ADGRD1: variants seen among roughly 807,000 people sequenced by gnomAD.
ADGRD1 encodes the protein adhesion G protein-coupled receptor D1.
In ADGRD1, 77 loss-of-function variants were observed where a neutral mutation model predicts 113.4. The ratio of observed to expected loss-of-function variants is 0.68; its 90% CI spans 0.57 to 0.82. ADGRD1 has a LOEUF of 0.82. ADGRD1 is among the 40% of genes least tolerant of loss of function. The pLI, the probability that ADGRD1 is intolerant of heterozygous loss-of-function variation, is 0.00. For missense variants in ADGRD1, 1,036 were observed against 1,139.1 expected, an observed-to-expected ratio of 0.91 and a Z score of 1.30; for synonymous variants, 474 against 475.0, an observed-to-expected ratio of 1.00 and a Z score of 0.03.
intron 24 of ADGRD1, among the ~76,000 whole-genome samples, chr12:131,138,506 C>T (rs965105823): frequency 1.3e-5 from 2 of 152,182 alleles, no homozygotes; most frequent in East Asian, 1.9e-4. Context: ...ATCAACTGAC[C>T]GTGAGGTGGC....
At chr12:130,970,999 G>A (rs1871552902) in intron 3 of ADGRD1, 1 of 152,870 alleles carries the variant, frequency 6.5e-6, no homozygotes, top group African/African-American at 2.4e-5. Context: ...GTTCCACTTG[G>A]AACACTCAGC....
chr12:131,066,001 T>A (rs1198093243), intron 13 of ADGRD1, among the ~76,000 whole-genome samples: 1 of 152,116 alleles, frequency 6.6e-6, no homozygotes, highest in Non-Finnish European at 1.5e-5. Context: ...GGACACCTGA[T>A]GTCTCTGTGG....
chr12:130,974,818 C>T lies in ADGRD1; in HGVS notation c.310+3238C>T, dbSNP rs911064080. Among the ~76,000 whole-genome samples the T allele has an allele frequency of 2.0e-5, 3 of 151,854 alleles. 1 individual carries two copies. The highest frequency in any genetic ancestry group is 4.2e-4 in the South Asian group (2 of 4,790). ...TCCCTGCTGTGGCCCTGCTCCGGAC[C>T]CCCGCTCCCGGCCCTCCCTCCACCC... On this transcript the variant is annotated intron_variant, in intron 4 of 24. Transcript: ENST00000261654.
chr12:131,001,954 TTTGTTTGAATAATTTCAA>T (rs1309703758), intron 9 of ADGRD1, among the ~76,000 whole-genome samples: 1 of 152,210 alleles, frequency 6.6e-6, no homozygotes, highest in Non-Finnish European at 1.5e-5. Context: ...TTGATAAACT[TTTGTTTGAATAATTTCAA>T]GTGGAATGAG....
chr12:131,013,620 C>G (rs1228041686), intron 12 of ADGRD1, among the ~76,000 whole-genome samples: 1 of 152,184 alleles, frequency 6.6e-6, no homozygotes, highest in African/African-American at 2.4e-5. Flanking sequence ...AGAGTCAACT[C>G]CAGGCTGTGT....
intron 18 of ADGRD1, among the ~76,000 whole-genome samples, chr12:131,110,211 G>A (rs1050147836): frequency 2.0e-5 from 3 of 152,062 alleles, no homozygotes; most frequent in Non-Finnish European, 4.4e-5. Flanking sequence ...TGACACATAG[G>A]GTGGATTCAC....
At chr12:130,981,852 C>T in intron 4 of ADGRD1, 32 bp from the exon 5 acceptor site, 1 of 1,529,336 alleles carries the variant, frequency 6.5e-7, no homozygotes, top group African/African-American at 1.4e-5. Context: ...CCCCTGCTCT[C>T]TGTGAATAAC....
chr12:130,963,021 T>C (rs977963097), intron 2 of ADGRD1: 1 of 152,140 alleles, frequency 6.6e-6, no homozygotes, highest in Non-Finnish European at 1.5e-5. Flanking sequence ...GGAATACAGA[T>C]TGAAAAATTC....
intron 20 of ADGRD1, among the ~76,000 whole-genome samples, chr12:131,126,871 G>A (rs1950748058): frequency 6.6e-6 from 1 of 152,178 alleles, no homozygotes; most frequent in African/African-American, 2.4e-5. Context: ...GAGTGTGGGT[G>A]TACCATACAG....
chr12:130,963,319 CAAAAAAAAAAAA>C (rs61220467), intron 2 of ADGRD1, among the ~76,000 whole-genome samples: 3 of 75,050 alleles, frequency 4.0e-5, no homozygotes, highest in Non-Finnish European at 7.4e-5. Context: ...GACTCCGTCT[CAAAAAAAAAAAA>C]AAAAAAAAAA....
rs1951187028 is a variant in ADGRD1 at position 131,139,236 on chromosome 12, C to T, written c.2598C>T (p.Ala866=). Residue 866 remains alanine, a synonymous_variant, in exon 25 of 25, where the codon GCC becomes GCT. Coordinates refer to ENST00000261654, the MANE Select transcript of ADGRD1 (RefSeq NM_198827.5). ...LSPWDKSSHS[A]HRVDLSAV is the part of the protein sequence containing the mutation. ...CTTGGGACAAGAGCAGCCACTCTGCCCACCGCGTCGACCTGTCAGCCGTGT... is the reference window on the plus strand; with the variant it reads ...CTTGGGACAAGAGCAGCCACTCTGCTCACCGCGTCGACCTGTCAGCCGTGT... 1 of 1,612,960 alleles carries T rather than the reference C, an allele frequency of 6.2e-7. No homozygotes were observed. The highest frequency in any genetic ancestry group is 1.1e-5 in the South Asian group (1 of 90,986).
Position 130,987,270 on chromosome 12 carries a change from C to T in ADGRD1, c.666C>T (p.Asn222=), listed in dbSNP as rs776749565. 1.7e-5 allele frequency: 28 copies of T among 1,614,064 alleles called. No individual in the cohort carries two copies. The highest frequency in any genetic ancestry group is 4.0e-5 in the African/African-American group (3 of 74,918). Reference sequence around the variant, plus strand: ...AGGACCAGGCCAAGTGTTATGAGAACGGTGCTTTCGATGAGTTCATCATCT... The same window carrying T: ...AGGACCAGGCCAAGTGTTATGAGAATGGTGCTTTCGATGAGTTCATCATCT... The part of the protein sequence containing the change: ...SEQDQAKCYE[N]GAFDEFIIWE... The change falls in exon 6 of 25, where the codon AAC becomes AAT. Residue 222 remains asparagine, a synonymous_variant. Coordinates refer to ENST00000261654, the MANE Select transcript of ADGRD1 (RefSeq NM_198827.5).
intron 13 of ADGRD1, among the ~76,000 whole-genome samples, chr12:131,039,348 C>G (rs556319578): frequency 6.6e-6 from 1 of 152,240 alleles, no homozygotes; most frequent in Non-Finnish European, 1.5e-5. Flanking sequence ...CTTTCAACGC[C>G]GGGGAAATGG....
At chr12:131,007,148 C>T (rs986830130) in intron 12 of ADGRD1, among the ~76,000 whole-genome samples, 9 of 152,230 alleles carry the variant, frequency 5.9e-5, no homozygotes, top group African/African-American at 2.2e-4. Context: ...GTCACAAAGG[C>T]GGGAGGATTG....
At chr12:131,134,567 G>T (rs1044232695) in intron 21 of ADGRD1, among the ~76,000 whole-genome samples, 1 of 152,244 alleles carries the variant, frequency 6.6e-6, no homozygotes, top group Non-Finnish European at 1.5e-5. Flanking sequence ...CCAGAAACAG[G>T]TGTTTTATTT....
intron 21 of ADGRD1, among the ~76,000 whole-genome samples, chr12:131,134,676 CTG>C (rs1337041810): frequency 1.3e-5 from 2 of 152,256 alleles, no homozygotes; most frequent in Admixed American, 1.3e-4. Flanking sequence ...TTGCCCGGAG[CTG>C]TCAGTGCCAG....
chr12:130,967,235 C>G lies in ADGRD1; in HGVS notation c.187+689C>G, dbSNP rs565151055. On this transcript the variant is annotated intron_variant, in intron 3 of 24. Transcript: ENST00000261654. ...ATCCCCATCTACCAGTCAGCTTCCC[C>G]ACACATCAGCTCCATTTGAAAAGAT... 3.1e-5 allele frequency: 10 copies of G among 318,960 alleles called. 1 individual carries two copies. Among genetic ancestry groups the G allele is most frequent in the South Asian group, 2.6e-4 (10 of 38,914 alleles). The allele number at this position is 318,960 out of a possible 1,614,324, so 19.8% of individuals were successfully genotyped here.
chr12:131,104,720 A>G (rs1388475776), intron 15 of ADGRD1, 111 bp from the exon 16 acceptor site: 43 of 645,876 alleles, frequency 6.7e-5, no homozygotes, highest in Non-Finnish European at 1.1e-4. Context: ...CTTGGTGGTC[A>G]GCACCACACT....
intron 13 of ADGRD1, among the ~76,000 whole-genome samples, chr12:131,044,512 G>T (rs1882475627): frequency 6.6e-6 from 1 of 152,160 alleles, no homozygotes; most frequent in Non-Finnish European, 1.5e-5. Flanking sequence ...TTTTAAAAGT[G>T]GCCCTCTGAA....
Sources: allele counts gnomAD v4.1 joint callset (sites outside exome capture counted in the v4.1 genomes callset), GRCh38; gene constraint gnomAD v4.1.1; transcripts MANE v1.5; gene names NCBI Gene and HGNC (gene_info 2026-07-23, HGNC 2026-07-21).